Variants in IMMP2L observed in about 807,000 individuals in gnomAD.
The protein encoded by IMMP2L is inner mitochondrial membrane peptidase subunit 2.
Under a neutral mutation model 19.3 loss-of-function variants are expected in IMMP2L, and 18 were observed. That is an observed-to-expected ratio of 0.93 (90% CI 0.64 to 1.38). The LOEUF is 1.38. Among genes scored for constraint, IMMP2L ranks in the 40% most tolerant of loss-of-function variants. The probability of loss-of-function intolerance (pLI) is 0.00; values close to 1 mark genes in which losing one functional copy is unlikely to be tolerated. For missense variants in IMMP2L, 233 were observed against 218.2 expected (o/e 1.07, Z -0.43); for synonymous variants, 76 against 73.0 (o/e 1.04, Z -0.21).
chr7:111,468,983 C>T (rs1157611179), intron 3 of IMMP2L, among the ~76,000 whole-genome samples: 1 of 151,924 alleles, frequency 6.6e-6, no homozygotes, highest in Non-Finnish European at 1.5e-5. Flanking sequence ...CACATATATC[C>T]AATGGAGAGC....
chr7:111,329,211 T>C (rs1642706876), intron 3 of IMMP2L, among the ~76,000 whole-genome samples: 1 of 151,644 alleles, frequency 6.6e-6, no homozygotes, highest in African/African-American at 2.4e-5. Context: ...GCTGAAGCTG[T>C]GGCAGAGGTA....
chr7:110,910,285 A>G (rs1348438555), intron 4 of IMMP2L, among the ~76,000 whole-genome samples: 1 of 152,190 alleles, frequency 6.6e-6, no homozygotes, highest in Non-Finnish European at 1.5e-5. Flanking sequence ...TAAGGTGAGA[A>G]GTTTCATTTT....
At position 110,885,261 on chromosome 7, in the gene IMMP2L, T is replaced by A. The variant is rs116514332; in HGVS notation, c.408+1332A>T. 9.5e-3 allele frequency among the ~76,000 whole-genome samples: 1,449 copies of A among 152,056 alleles called. 21 individuals are homozygous for A. Among genetic ancestry groups the A allele is most frequent in the African/African-American group, 0.032 (1,337 of 41,516 alleles). Reference sequence around the variant, plus strand: ...AAATTTGAAATCCAAAATACTCCAATGAACATTTCCTTTGAGCATCATATT... The same window carrying A: ...AAATTTGAAATCCAAAATACTCCAAAGAACATTTCCTTTGAGCATCATATT... On this transcript the variant is annotated intron_variant, in intron 5 of 5. Coordinates refer to ENST00000405709, the MANE Select transcript of IMMP2L (RefSeq NM_032549.4).
rs1289722082 is a variant in IMMP2L at position 110,760,344 on chromosome 7, G to T, written c.409-96623C>A. Among the ~76,000 whole-genome samples, 1 of 152,092 alleles carries T rather than the reference G, an allele frequency of 6.6e-6. No homozygotes were observed. The highest frequency in any genetic ancestry group is 1.5e-5 in the Non-Finnish European group (1 of 68,004). Reference sequence around the variant, plus strand: ...TTCTAATAGAGATAATCTGTATAGTGTTCAGGAAACTACAATAATTCAGCA... The same window carrying T: ...TTCTAATAGAGATAATCTGTATAGTTTTCAGGAAACTACAATAATTCAGCA... On this transcript the variant is annotated intron_variant, in intron 5 of 5. Coordinates refer to ENST00000405709, the MANE Select transcript of IMMP2L (RefSeq NM_032549.4). The surrounding 1 kb of genome is among the most constrained non-coding windows in gnomAD (Gnocchi z 4.2).
At chr7:110,830,726 C>T (rs2131380843) in intron 5 of IMMP2L, among the ~76,000 whole-genome samples, 1 of 152,182 alleles carries the variant, frequency 6.6e-6, no homozygotes. Flanking sequence ...CAGATACCTC[C>T]TCTCCTCTTT....
intron 3 of IMMP2L, among the ~76,000 whole-genome samples, chr7:111,100,572 A>T (rs1797867710): frequency 6.6e-6 from 1 of 150,648 alleles, no homozygotes. Flanking sequence ...AATGATAATG[A>T]ACACTTAATA....
chr7:111,016,827 ATATAGTATATAT>A (rs1825696481), intron 3 of IMMP2L, among the ~76,000 whole-genome samples: 3 of 68,154 alleles, frequency 4.4e-5, no homozygotes, highest in East Asian at 8.7e-4. Flanking sequence ...TATATATAAT[ATATAGTATATAT>A]TATATATAAT....
intron 3 of IMMP2L, among the ~76,000 whole-genome samples, chr7:111,096,508 T>TAA (rs5886589): frequency 0.012 from 1,706 of 144,642 alleles, 14 homozygotes; most frequent in South Asian, 0.02. Flanking sequence ...GAGTTAAATT[T>TAA]AAAAAAAAAA....
intron 3 of IMMP2L, among the ~76,000 whole-genome samples, chr7:111,052,279 G>C (rs1269021901): frequency 2.0e-5 from 3 of 152,144 alleles, no homozygotes; most frequent in African/African-American, 7.2e-5. Context: ...CTAAGAGTCT[G>C]ACACCTTTTA....
intron 3 of IMMP2L, among the ~76,000 whole-genome samples, chr7:111,080,458 G>A (rs1795793084): frequency 6.6e-6 from 1 of 150,386 alleles, no homozygotes; most frequent in Admixed American, 6.7e-5. Flanking sequence ...ATAAATATAT[G>A]TATATTCTTA....
At chr7:110,822,601 T>A (rs1803135351) in intron 5 of IMMP2L, among the ~76,000 whole-genome samples, 1 of 152,140 alleles carries the variant, frequency 6.6e-6, no homozygotes, top group Non-Finnish European at 1.5e-5. Flanking sequence ...GTACCTTTCA[T>A]ATTATAGTTT....
At chr7:111,158,130 A>G (rs994372615) in intron 3 of IMMP2L, among the ~76,000 whole-genome samples, 1 of 151,940 alleles carries the variant, frequency 6.6e-6, no homozygotes, top group East Asian at 1.9e-4. Flanking sequence ...ATAATACTTT[A>G]TTATATTTTT....
intron 3 of IMMP2L, among the ~76,000 whole-genome samples, chr7:111,176,515 G>C (rs1477188655): frequency 6.6e-6 from 1 of 151,864 alleles, no homozygotes; most frequent in Non-Finnish European, 1.5e-5. Context: ...AAATAAGCCA[G>C]GCACCAAAAG....
chr7:111,363,540 G>A (rs550356559), intron 3 of IMMP2L, among the ~76,000 whole-genome samples: 4 of 152,052 alleles, frequency 2.6e-5, no homozygotes, highest in East Asian at 3.9e-4. Flanking sequence ...TCCTAAGACC[G>A]TTAAGGCTTG....
intron 3 of IMMP2L, among the ~76,000 whole-genome samples, chr7:111,383,005 G>A (rs1306784235): frequency 6.6e-6 from 1 of 151,998 alleles, no homozygotes; most frequent in African/African-American, 2.4e-5. Context: ...AATCTACTCT[G>A]TGGCCAGTCA....
chr7:111,124,335 C>T, intron 3 of IMMP2L: 1 of 1,613,704 alleles, frequency 6.2e-7, no homozygotes, highest in Non-Finnish European at 8.5e-7. Context: ...CACAAGATAA[C>T]AATGGCTCTT....
At chr7:111,001,988 C>T (rs563072254) in intron 3 of IMMP2L, among the ~76,000 whole-genome samples, 2 of 152,104 alleles carry the variant, frequency 1.3e-5, no homozygotes, top group East Asian at 3.9e-4. Flanking sequence ...CAAGAAATTA[C>T]AAGGAAACTG....
chr7:110,787,535 T>C (rs1800167505), intron 5 of IMMP2L, among the ~76,000 whole-genome samples: 2 of 151,952 alleles, frequency 1.3e-5, no homozygotes, highest in Non-Finnish European at 2.9e-5. Context: ...TTCTCCCAAA[T>C]TATTTTCCCA....
chr7:111,297,584 C>G (rs1486562059), intron 3 of IMMP2L, among the ~76,000 whole-genome samples: 1 of 152,040 alleles, frequency 6.6e-6, no homozygotes, highest in African/African-American at 2.4e-5. Flanking sequence ...GAAAAGAAAA[C>G]ATGACAACAC....
Sources: gnomAD v4.1 joint callset for allele counts (sites outside exome capture counted in the v4.1 genomes callset) on GRCh38, gnomAD v4.1.1 for gene constraint, Gnocchi (gnomAD v3.1) non-coding constraint, MANE v1.5 for transcripts, NCBI Gene and HGNC (gene_info 2026-07-23, HGNC 2026-07-21) for gene names.